ZFYVE9: variants seen among roughly 807,000 people sequenced by gnomAD.
The protein encoded by ZFYVE9 is zinc finger FYVE domain-containing protein 9.
In ZFYVE9, 43 loss-of-function variants were observed where a neutral mutation model predicts 126.7. That is an observed-to-expected ratio of 0.34 (90% CI 0.27 to 0.44). The LOEUF (loss-of-function observed/expected upper bound fraction) is 0.44, where lower values mean the gene tolerates loss of function less well. ZFYVE9 is among the 20% of genes least tolerant of loss of function. The pLI, the probability that ZFYVE9 is intolerant of heterozygous loss-of-function variation, is 1.00. For synonymous variants in ZFYVE9, 521 were observed against 597.4 expected (o/e 0.87, Z 1.87); for missense variants, 1,476 against 1,697.0 (o/e 0.87, Z 2.29).
intron 6 of ZFYVE9, among the ~76,000 whole-genome samples, chr1:52,267,742 T>G (rs1645648002): frequency 6.6e-6 from 1 of 152,204 alleles, no homozygotes; most frequent in African/African-American, 2.4e-5. Context: ...TTGTTGTTTT[T>G]GTTGTTCTTC....
At chr1:52,203,815 A>T (rs1328445187) in intron 1 of ZFYVE9, among the ~76,000 whole-genome samples, 4 of 151,736 alleles carry the variant, frequency 2.6e-5, no homozygotes, top group Non-Finnish European at 2.9e-5. Context: ...CAAACTAGAG[A>T]TTCTTTCCTC....
At chr1:52,273,350 G>A (rs1470820556) in intron 7 of ZFYVE9, among the ~76,000 whole-genome samples, 1 of 152,098 alleles carries the variant, frequency 6.6e-6, no homozygotes, top group African/African-American at 2.4e-5. Flanking sequence ...TTAAGTTATA[G>A]AGAATATACA....
intron 13 of ZFYVE9, among the ~76,000 whole-genome samples, chr1:52,317,770 C>T (rs568525545): frequency 5.3e-5 from 8 of 152,074 alleles, no homozygotes; most frequent in African/African-American, 1.9e-4. Context: ...ATTACAGGTC[C>T]GATAGACAGT....
intron 10 of ZFYVE9, among the ~76,000 whole-genome samples, chr1:52,289,484 T>TA (rs1645896750): frequency 6.6e-6 from 1 of 152,220 alleles, no homozygotes; most frequent in African/African-American, 2.4e-5. Context: ...CAAGATTTGG[T>TA]ATCTATTTTG....
At chr1:52,345,044 A>G (rs1646471819) in intron 18 of ZFYVE9, 100 bp downstream of exon 18, 3 of 1,335,056 alleles carry the variant, frequency 2.2e-6, no homozygotes, top group Non-Finnish European at 3.2e-6. Flanking sequence ...TAATTCTCCG[A>G]CCTTCTGGCC....
At chr1:52,232,090 GACAGCCTATT>G (rs1334025933) in intron 2 of ZFYVE9, among the ~76,000 whole-genome samples, 3 of 152,092 alleles carry the variant, frequency 2.0e-5, no homozygotes, top group African/African-American at 4.8e-5. Flanking sequence ...AGTTTACAAA[GACAGCCTATT>G]ACATTTCTGA....
chr1:52,327,786 C>G (rs1557521963), intron 13 of ZFYVE9, among the ~76,000 whole-genome samples: 1 of 151,738 alleles, frequency 6.6e-6, no homozygotes, highest in Non-Finnish European at 1.5e-5. Context: ...CCAGCCTGGC[C>G]AAGATGGTCA....
At chr1:52,192,026 A>AG (rs1644820246) in intron 1 of ZFYVE9, among the ~76,000 whole-genome samples, 1 of 67,818 alleles carries the variant, frequency 1.5e-5, no homozygotes, top group African/African-American at 3.1e-5. Context: ...AGTAATTGGC[A>AG]GGGGCTTTTT....
intron 10 of ZFYVE9, among the ~76,000 whole-genome samples, chr1:52,288,925 CAAAAAAAAAAAAAAA>C (rs775138803): frequency 1.6e-5 from 1 of 62,058 alleles, no homozygotes; most frequent in Non-Finnish European, 3.5e-5. Flanking sequence ...GACTCTGTCT[CAAAAAAAAAAAAAAA>C]AAAAAAGAAA....
At chr1:52,309,498 A>G (rs566280565) in intron 13 of ZFYVE9, among the ~76,000 whole-genome samples, 2 of 152,116 alleles carry the variant, frequency 1.3e-5, no homozygotes, top group Non-Finnish European at 2.9e-5. Flanking sequence ...AACAAAAGCA[A>G]AAAAGGGCAG....
At position 52,239,443 on chromosome 1, in the gene ZFYVE9, G is replaced by C. The variant is rs202212629; in HGVS notation, c.2026G>C (p.Gly676Arg). ...PDSPDNDLRA[G>R]QFGISARKPF... Reference sequence around the variant, plus strand: ...TAGCCCAGATAATGATCTCAGAGCTGGTCAGTTTGGAATTTCTGCCAGAAA... The same window carrying C: ...TAGCCCAGATAATGATCTCAGAGCTCGTCAGTTTGGAATTTCTGCCAGAAA... Residue 676 changes from glycine to arginine, a missense_variant, in exon 4 of 19, where the codon GGT (glycine) becomes CGT (arginine). Gly to Arg is a moderately radical substitution (Grantham distance 125). Transcript: ENST00000287727. 1 of 1,614,150 alleles carries C rather than the reference G, an allele frequency of 6.2e-7. No homozygotes were observed. The highest frequency in any genetic ancestry group is 2.2e-5 in the East Asian group (1 of 44,882).
intron 1 of ZFYVE9, among the ~76,000 whole-genome samples, chr1:52,170,476 C>G (rs1359529238): frequency 6.6e-6 from 1 of 151,886 alleles, no homozygotes; most frequent in African/African-American, 2.4e-5. Context: ...TTTTAATTTT[C>G]AAATTCATTT....
At position 52,239,377 on chromosome 1, in the gene ZFYVE9, G is replaced by A. The variant is rs766631384; in HGVS notation, c.1960G>A (p.Ala654Thr). 1.6e-5 allele frequency: 25 copies of A among 1,612,824 alleles called. No homozygotes were observed. The highest frequency in any genetic ancestry group is 2.1e-5 in the Non-Finnish European group (25 of 1,179,586). ...TNGEHLESYE[A>T]EISTRPCLAL... ...TGGGGAACATTTAGAAAGTTATGAG[G>A]CTGAGATCTCCACTAGACCATGCCT... The change falls in exon 4 of 19, where the codon GCT becomes ACT. Residue 654 changes from alanine to threonine, a missense_variant. By Grantham distance (58) the Ala-to-Thr change is moderately conservative. This residue lies in a region of ZFYVE9 where 807 missense variants were observed against 794.6 expected (regional missense o/e 1.02). Coordinates refer to ENST00000287727, the MANE Select transcript of ZFYVE9 (RefSeq NM_004799.4).
intron 1 of ZFYVE9, among the ~76,000 whole-genome samples, chr1:52,205,287 C>G (rs1644967505): frequency 6.6e-6 from 1 of 151,884 alleles, no homozygotes; most frequent in African/African-American, 2.4e-5. Flanking sequence ...GTGGCCCAAG[C>G]TGATCTTGAA....
intron 1 of ZFYVE9, among the ~76,000 whole-genome samples, chr1:52,207,961 A>G (rs953821841): frequency 1.3e-5 from 2 of 152,234 alleles, no homozygotes; most frequent in African/African-American, 4.8e-5. Flanking sequence ...TATAGTTTTC[A>G]TATAAAGTGT....
At chr1:52,274,692 A>G (rs1645728593) in intron 8 of ZFYVE9, 108 bp downstream of exon 8, 2 of 1,211,654 alleles carry the variant, frequency 1.7e-6, no homozygotes, top group Admixed American at 2.6e-5. Flanking sequence ...CTCTTATCCA[A>G]CAAAACAAAC....
chr1:52,244,757 C>T (rs374159470), intron 4 of ZFYVE9, among the ~76,000 whole-genome samples: 5 of 152,210 alleles, frequency 3.3e-5, no homozygotes, highest in East Asian at 1.9e-4. Flanking sequence ...ATTATCTTTG[C>T]GATACAAGCA....
chr1:52,249,654 T>A (rs1266526588), intron 4 of ZFYVE9, among the ~76,000 whole-genome samples: 1 of 152,204 alleles, frequency 6.6e-6, no homozygotes, highest in Non-Finnish European at 1.5e-5. Flanking sequence ...CATTTTCTTT[T>A]GTTGCCTGTG....
chr1:52,154,694 C>T (rs1473345481), intron 1 of ZFYVE9, among the ~76,000 whole-genome samples: 4 of 152,100 alleles, frequency 2.6e-5, no homozygotes, highest in Non-Finnish European at 5.9e-5. Flanking sequence ...TGCCATTGCC[C>T]GTGAGTCTAT....
Sources: gnomAD v4.1 joint callset for allele counts (sites outside exome capture counted in the v4.1 genomes callset) on GRCh38, gnomAD v4.1.1 for gene constraint, gnomAD v4.1.1 regional missense constraint, MANE v1.5 for transcripts, NCBI Gene and HGNC (gene_info 2026-07-23, HGNC 2026-07-21) for gene names.